MCU: variants seen among roughly 807,000 people sequenced by gnomAD.
MCU encodes the protein mitochondrial calcium uniporter, also known as calcium uniporter protein, mitochondrial.
Under a neutral mutation model 45.2 loss-of-function variants are expected in MCU, and 12 were observed. The ratio of observed to expected loss-of-function variants is 0.27; its 90% CI spans 0.17 to 0.43. The LOEUF (loss-of-function observed/expected upper bound fraction) is 0.43. Among genes scored for constraint, MCU ranks in the 20% least tolerant of loss-of-function variants. The pLI, the probability that MCU is intolerant of heterozygous loss-of-function variation, is 1.00. For synonymous variants in MCU, 160 were observed against 165.1 expected (o/e 0.97, Z 0.24); for missense variants, 324 against 436.7 (o/e 0.74, Z 2.30).
At chr10:72,788,257 G>C (rs1589460184) in intron 1 of MCU, among the ~76,000 whole-genome samples, 2 of 152,204 alleles carry the variant, frequency 1.3e-5, no homozygotes, top group Non-Finnish European at 2.9e-5. Context: ...CTCAATGACT[G>C]CTTTTCAGCA....
intron 2 of MCU, among the ~76,000 whole-genome samples, chr10:72,837,150 C>G (rs1844966826): frequency 6.6e-6 from 1 of 151,396 alleles, no homozygotes; most frequent in Admixed American, 6.6e-5. Flanking sequence ...TGTAGATTAT[C>G]TTAAATGCTT....
chr10:72,751,552 C>T (rs574772298), intron 1 of MCU, among the ~76,000 whole-genome samples: 16 of 151,596 alleles, frequency 1.1e-4, no homozygotes, highest in African/African-American at 3.9e-4. Flanking sequence ...GACGGGGTTT[C>T]ACCATGTTGG....
At chr10:72,809,576 A>G (rs1285213332) in intron 1 of MCU, among the ~76,000 whole-genome samples, 1 of 152,190 alleles carries the variant, frequency 6.6e-6, no homozygotes, top group Admixed American at 6.5e-5. Flanking sequence ...AACATATTTT[A>G]CTTCAGGGAC....
chr10:72,847,015 G>A (rs1048397499), intron 2 of MCU, among the ~76,000 whole-genome samples: 1 of 152,118 alleles, frequency 6.6e-6, no homozygotes, highest in Non-Finnish European at 1.5e-5. Flanking sequence ...CCTGTCGCCC[G>A]GGCTGGAGTG....
At chr10:72,790,950 A>G (rs1844149385) in intron 1 of MCU, among the ~76,000 whole-genome samples, 1 of 152,214 alleles carries the variant, frequency 6.6e-6, no homozygotes, top group African/African-American at 2.4e-5. Flanking sequence ...GAAGCATTTT[A>G]AAATCTTGAA....
chr10:72,798,673 T>C (rs1196618960), intron 1 of MCU, among the ~76,000 whole-genome samples: 1 of 151,782 alleles, frequency 6.6e-6, no homozygotes, highest in African/African-American at 2.4e-5. Context: ...CTTACTGGAG[T>C]AGTATGTGTT....
chr10:72,760,121 C>T (rs79858959), intron 1 of MCU, among the ~76,000 whole-genome samples: 6,259 of 151,974 alleles, frequency 0.041, 417 homozygotes, highest in African/African-American at 0.14. Context: ...CACAGCTCAC[C>T]GTAGCCTCGA....
chr10:72,702,250 C>CA (rs1246527693), intron 1 of MCU, among the ~76,000 whole-genome samples: 79 of 111,682 alleles, frequency 7.1e-4, no homozygotes, highest in Non-Finnish European at 1.0e-3. Flanking sequence ...AACTCTGTCT[C>CA]AAAAAAAAAG....
chr10:72,773,905 C>T (rs1843850731), intron 1 of MCU, among the ~76,000 whole-genome samples: 1 of 152,150 alleles, frequency 6.6e-6, no homozygotes. Context: ...TGCAACAAAG[C>T]GTTTCCCAGA....
intron 1 of MCU, among the ~76,000 whole-genome samples, chr10:72,802,777 A>G (rs1328749929): frequency 6.6e-6 from 1 of 152,176 alleles, no homozygotes; most frequent in African/African-American, 2.4e-5. Flanking sequence ...ATTTGTTTAT[A>G]TGTATATCCC....
At chr10:72,768,252 A>C (rs1478509099) in intron 1 of MCU, among the ~76,000 whole-genome samples, 1 of 152,234 alleles carries the variant, frequency 6.6e-6, no homozygotes, top group Non-Finnish European at 1.5e-5. Flanking sequence ...ACTACTGACT[A>C]TGAAGTCATT....
At chr10:72,846,683 T>G (rs148191335) in intron 2 of MCU, among the ~76,000 whole-genome samples, 6 of 152,276 alleles carry the variant, frequency 3.9e-5, no homozygotes, top group African/African-American at 1.4e-4. Context: ...TTAAAAAAAT[T>G]TTTTTTCTTC....
intron 1 of MCU, among the ~76,000 whole-genome samples, chr10:72,822,153 A>G (rs1419906379): frequency 6.6e-6 from 1 of 152,136 alleles, no homozygotes; most frequent in Non-Finnish European, 1.5e-5. Flanking sequence ...ACAGACACCA[A>G]TCCCAGCTAC....
chr10:72,790,163 C>T (rs1390553118), intron 1 of MCU, among the ~76,000 whole-genome samples: 1 of 152,218 alleles, frequency 6.6e-6, no homozygotes, highest in Non-Finnish European at 1.5e-5. Context: ...GTGTATCTTT[C>T]TTAACCCTAC....
intron 1 of MCU, among the ~76,000 whole-genome samples, chr10:72,831,378 A>G (rs1299484591): frequency 6.6e-6 from 1 of 152,206 alleles, no homozygotes; most frequent in African/African-American, 2.4e-5. Flanking sequence ...GTAGAGGGAA[A>G]GAAAAAAGAA....
intron 1 of MCU, among the ~76,000 whole-genome samples, chr10:72,805,252 T>TC (rs1300146868): frequency 2.7e-5 from 4 of 150,262 alleles, no homozygotes; most frequent in African/African-American, 9.9e-5. Context: ...TCCTTTCCTT[T>TC]CTTCTTTTTT....
At chr10:72,829,472 A>C (rs914860293) in intron 1 of MCU, among the ~76,000 whole-genome samples, 1 of 152,074 alleles carries the variant, frequency 6.6e-6, no homozygotes, top group Non-Finnish European at 1.5e-5. Flanking sequence ...TCTGCCTATG[A>C]AATTTAAATA....
chr10:72,812,661 GAAGGGCTGTTTTCTGACATA>G (rs1256602361), intron 1 of MCU, among the ~76,000 whole-genome samples: 5 of 152,302 alleles, frequency 3.3e-5, no homozygotes, highest in East Asian at 1.9e-4. Flanking sequence ...ATAGTATCAT[GAAGGGCTGTTTTCTGACATA>G]AAGGGCTGTT....
chr10:72,873,961 G>T (rs1001679638), intron 6 of MCU, among the ~76,000 whole-genome samples: 13 of 152,070 alleles, frequency 8.5e-5, no homozygotes, highest in Non-Finnish European at 1.2e-4. Context: ...TGGTCTATGT[G>T]TCTGTTTTTA....
Sources: allele counts gnomAD v4.1 joint callset (sites outside exome capture counted in the v4.1 genomes callset), GRCh38; gene constraint gnomAD v4.1.1; transcripts MANE v1.5; gene names NCBI Gene and HGNC (gene_info 2026-07-23, HGNC 2026-07-21).